Variants in GARIN6 observed in about 807,000 individuals in gnomAD.
GARIN6 encodes the protein Golgi-associated RAB2 interactor protein 6.
At chr12:99,649,254 TCTCA>T in the GARIN6 span, 499 of 1,493,594 alleles carry the variant, frequency 3.3e-4, 1 homozygote, top group Non-Finnish European at 4.2e-4. Flanking sequence ...ATCTTGCTGG[TCTCA>T]CTGTCTTTGC....
At chr12:99,648,375 A>G in the GARIN6 span, 1 of 1,614,140 alleles carries the variant, frequency 6.2e-7, no homozygotes, top group South Asian at 1.1e-5. Context: ...ACCGTGCCCG[A>G]ATGGTAACAA....
At chr12:99,648,576 A>C in the GARIN6 span, 1 of 1,614,150 alleles carries the variant, frequency 6.2e-7, no homozygotes, top group Non-Finnish European at 8.5e-7. Context: ...ACAACAGCGT[A>C]AAAAAACAGC....
the GARIN6 span, chr12:99,648,281 A>G: frequency 5.6e-6 from 9 of 1,614,216 alleles, no homozygotes; most frequent in South Asian, 9.9e-5. Context: ...TACAAAGGCG[A>G]GTATACTATA....
the GARIN6 span, chr12:99,648,207 G>A: frequency 4.1e-5 from 66 of 1,613,986 alleles, no homozygotes; most frequent in Middle Eastern, 1.6e-4. Flanking sequence ...CGTATTACAC[G>A]GCCCAAAGCA....
At chr12:99,649,569 G>A in the GARIN6 span, 24 of 577,508 alleles carry the variant, frequency 4.2e-5, no homozygotes, top group Non-Finnish European at 6.5e-5. Flanking sequence ...ACTCAGGAGA[G>A]AAACACAGCA....
chr12:99,649,294 G>A, the GARIN6 span: 1 of 1,613,502 alleles, frequency 6.2e-7, no homozygotes, highest in African/African-American at 1.3e-5. Context: ...CTAGGGATAT[G>A]CCATGAAGTT....
the GARIN6 span, chr12:99,649,352 C>T: frequency 4.3e-6 from 7 of 1,613,998 alleles, no homozygotes; most frequent in Admixed American, 1.2e-4. Context: ...CACATGAATG[C>T]TGAAATGTTT....
At chr12:99,648,403 A>T in the GARIN6 span, 5 of 1,614,070 alleles carry the variant, frequency 3.1e-6, no homozygotes, top group Admixed American at 3.3e-5. Context: ...CGTTCGCACC[A>T]GCCCCTGCCT....
chr12:99,648,763 T>C, the GARIN6 span: 1 of 1,612,528 alleles, frequency 6.2e-7, no homozygotes. Context: ...CTCATCTGTG[T>C]TGGAGGAAGT....
At chr12:99,648,620 A>G in the GARIN6 span, 1 of 1,614,210 alleles carries the variant, frequency 6.2e-7, no homozygotes, top group Non-Finnish European at 8.5e-7. Flanking sequence ...CGCTCTTTTT[A>G]TCTTCAGCTG....
At chr12:99,649,527 T>C in the GARIN6 span, 2 of 695,722 alleles carry the variant, frequency 2.9e-6, no homozygotes, top group Non-Finnish European at 4.9e-6. Context: ...CCACCACAGG[T>C]ACCATGGATG....
the GARIN6 span, chr12:99,648,033 C>T: frequency 8.6e-7 from 1 of 1,168,020 alleles, no homozygotes; most frequent in Non-Finnish European, 1.2e-6. Context: ...TGTTCTCAGT[C>T]ACTTGGGGAC....
At chr12:99,648,148 G>C in the GARIN6 span, 15 of 1,584,902 alleles carry the variant, frequency 9.5e-6, no homozygotes, top group Admixed American at 2.4e-4. Flanking sequence ...AGCAGCTGCT[G>C]GGAACTGTCT....
At chr12:99,648,684 T>C in the GARIN6 span, 1 of 1,614,112 alleles carries the variant, frequency 6.2e-7, no homozygotes, top group African/African-American at 1.3e-5. Context: ...AAAACCTTGT[T>C]TACATCCTGA....
At chr12:99,648,168 G>C in the GARIN6 span, 1 of 1,607,056 alleles carries the variant, frequency 6.2e-7, no homozygotes, top group South Asian at 1.1e-5. Flanking sequence ...TTGATTTAAA[G>C]GAAGACATGG....
chr12:99,648,876 A>C, the GARIN6 span: 11 of 1,467,602 alleles, frequency 7.5e-6, no homozygotes, highest in South Asian at 2.9e-5. Context: ...GCTGCAGCTC[A>C]CCTGGGAAAT....
chr12:99,648,905 C>A, the GARIN6 span: 4 of 1,384,096 alleles, frequency 2.9e-6, no homozygotes, highest in South Asian at 6.2e-5. Flanking sequence ...TTTGGAAGGT[C>A]TGAAGGCCAA....
the GARIN6 span, chr12:99,647,974 C>G: frequency 1.5e-6 from 1 of 673,140 alleles, no homozygotes; most frequent in Non-Finnish European, 2.4e-6. Context: ...ATCCAGGGGA[C>G]TGACTGTCTC....
chr12:99,649,611 G>A, the GARIN6 span: 1 of 518,804 alleles, frequency 1.9e-6, no homozygotes, highest in Admixed American at 3.4e-5. Context: ...GGTCCAGGAG[G>A]AAGTATAGCC....
Sources: allele counts gnomAD v4.1 joint callset, GRCh38; gene constraint gnomAD v4.1.1; transcripts MANE v1.5; gene names NCBI Gene and HGNC (gene_info 2026-07-23, HGNC 2026-07-21).